The following CCDC144A variants were observed in gnomAD, a reference collection of about 807,000 sequenced individuals.
CCDC144A encodes coiled-coil domain containing 144A, also known as coiled-coil domain-containing protein 144A.
CCDC144A carries 41 observed loss-of-function variants against 143.8 expected under a neutral mutation model. That is an observed-to-expected ratio of 0.29 (90% confidence interval 0.22 to 0.37). The LOEUF is 0.37. Among genes scored for constraint, CCDC144A ranks in the 10% least tolerant of loss-of-function variants. CCDC144A has a pLI of 1.00. For synonymous variants in CCDC144A, 242 were observed against 517.9 expected (o/e 0.47, Z 7.23); for missense variants, 637 against 1,488.8 (o/e 0.43, Z 9.41).
intron 12 of CCDC144A, among the ~76,000 whole-genome samples, chr17:16,759,554 G>A (rs1247426991): frequency 6.6e-6 from 1 of 151,170 alleles, no homozygotes; most frequent in East Asian, 1.9e-4. Context: ...TTCAGCGGCT[G>A]TGTAGTAACA....
At chr17:16,694,230 A>C (rs993128323) in intron 2 of CCDC144A, among the ~76,000 whole-genome samples, 31 of 152,062 alleles carry the variant, frequency 2.0e-4, no homozygotes, top group Non-Finnish European at 2.8e-4. Flanking sequence ...AAAAGAAATT[A>C]GTTTCAAAAC....
intron 12 of CCDC144A, chr17:16,745,961 C>T: frequency 6.2e-7 from 1 of 1,607,410 alleles, no homozygotes; most frequent in African/African-American, 1.3e-5. Context: ...CTCTGTGCCT[C>T]CTGCCGTCAT....
intron 8 of CCDC144A, among the ~76,000 whole-genome samples, chr17:16,726,249 C>T (rs1913413913): frequency 6.6e-6 from 1 of 151,440 alleles, no homozygotes. Context: ...GGCGCGGTGG[C>T]AGGCGCCTGT....
At chr17:16,759,498 A>G (rs1168046895) in intron 12 of CCDC144A, among the ~76,000 whole-genome samples, 3 of 152,108 alleles carry the variant, frequency 2.0e-5, no homozygotes, top group African/African-American at 7.2e-5. Context: ...TGGTTCTTTT[A>G]TATGTAGTAG....
intron 4 of CCDC144A, among the ~76,000 whole-genome samples, chr17:16,707,986 T>C (rs2143111812): frequency 6.6e-6 from 1 of 152,270 alleles, no homozygotes; most frequent in African/African-American, 2.4e-5. Context: ...GTTAAAGATG[T>C]GGCCTTTCAT....
At chr17:16,722,293 G>A (rs1913137417) in intron 8 of CCDC144A, among the ~76,000 whole-genome samples, 1 of 152,112 alleles carries the variant, frequency 6.6e-6, no homozygotes, top group Non-Finnish European at 1.5e-5. Flanking sequence ...TGTTTATGAT[G>A]TATTATCCTT....
chr17:16,768,223 T>G (rs1915687952), intron 15 of CCDC144A, among the ~76,000 whole-genome samples: 1 of 152,260 alleles, frequency 6.6e-6, no homozygotes, highest in African/African-American at 2.4e-5. Flanking sequence ...TGCTAAATCA[T>G]GGAGGTTTGG....
chr17:16,737,446 G>T, intron 12 of CCDC144A: 1 of 1,243,070 alleles, frequency 8.0e-7, no homozygotes, highest in Admixed American at 2.6e-5. Context: ...GATTACAGGC[G>T]TGAGCCACCG....
At chr17:16,686,656 T>G (rs1290139378), upstream of CCDC144A, among the ~76,000 whole-genome samples, 3 of 146,688 alleles carry the variant, frequency 2.0e-5, no homozygotes, top group African/African-American at 5.0e-5. Context: ...AAAAAAATTG[T>G]TTTTTTTTTG....
chr17:16,690,476 A>T lies in CCDC144A; in HGVS notation c.76A>T (p.Thr26Ser), dbSNP rs895370300. 4 of 1,612,916 alleles carry T rather than the reference A, an allele frequency of 2.5e-6. No individual in the cohort carries two copies. In the African/African-American group the frequency reaches 5.3e-5, roughly 22 times the overall value. Residue 26 changes from threonine (T) to serine (S), a missense_variant, in exon 1 of 17, where the codon ACC becomes TCC. By Grantham distance (58) the Thr-to-Ser change is moderately conservative (BLOSUM62 1). Transcript: ENST00000399273. ...GCCGGCAGTCTACGCCACGAGGAAG[A>T]CCCCTAGCGTCGGGAGCCAGGGGGA... ...PKPAVYATRKTPSVGSQGDQW... is the reference protein window; with the variant it reads ...PKPAVYATRKSPSVGSQGDQW...
chr17:16,766,310 T>C (rs1246174525), intron 15 of CCDC144A: 1 of 152,206 alleles, frequency 6.6e-6, no homozygotes. Flanking sequence ...GGGAGGCAGG[T>C]TTGCCCTAAG....
intron 2 of CCDC144A, among the ~76,000 whole-genome samples, chr17:16,700,192 T>A (rs1911653593): frequency 6.6e-6 from 1 of 152,138 alleles, no homozygotes. Context: ...TGTGTCAAAG[T>A]CTGGAGGAAG....
At chr17:16,708,638 A>T (rs1301019696) in intron 4 of CCDC144A, 158 bp from the exon 5 acceptor site, 1 of 762,740 alleles carries the variant, frequency 1.3e-6, no homozygotes, top group East Asian at 2.8e-5. Flanking sequence ...CTAGATGAAG[A>T]AGTTTAACAG....
At chr17:16,717,352 C>T (rs2621592) in intron 6 of CCDC144A, among the ~76,000 whole-genome samples, 19 of 152,100 alleles carry the variant, frequency 1.2e-4, no homozygotes, top group East Asian at 1.9e-4. Flanking sequence ...CCTCATGATC[C>T]GCCCGCCTCA....
chr17:16,671,298 G>T, the CCDC144A span, among the ~76,000 whole-genome samples: 1 of 151,824 alleles, frequency 6.6e-6, no homozygotes, highest in African/African-American at 2.4e-5. Flanking sequence ...TTACCTTTTT[G>T]ATTATTAAAG....
At chr17:16,714,360 G>A (rs1357885151) in intron 6 of CCDC144A, among the ~76,000 whole-genome samples, 1 of 152,112 alleles carries the variant, frequency 6.6e-6, no homozygotes, top group Non-Finnish European at 1.5e-5. Context: ...GAACTGTTGG[G>A]TATCACAAAA....
intron 2 of CCDC144A, among the ~76,000 whole-genome samples, chr17:16,701,772 G>A (rs927346451): frequency 7.3e-5 from 11 of 151,626 alleles, no homozygotes; most frequent in African/African-American, 2.4e-4. Context: ...CTCTGTAGAC[G>A]TTTGCCACGT....
chr17:16,753,432 T>TTTGTTTTTGTTGTTG (rs1439429855), intron 12 of CCDC144A, among the ~76,000 whole-genome samples: 1 of 122,912 alleles, frequency 8.1e-6, no homozygotes, highest in Admixed American at 7.6e-5. Flanking sequence ...TTTGTAGTTT[T>TTTGTTTTTGTTGTTG]TTTTTTTTTT....
chr17:16,695,272 T>C (rs1271175933), intron 2 of CCDC144A: 1 of 152,208 alleles, frequency 6.6e-6, no homozygotes, highest in Non-Finnish European at 1.5e-5. Flanking sequence ...TTTTTTCTAA[T>C]GTTACAGAAT....
Sources: allele counts gnomAD v4.1 joint callset (sites outside exome capture counted in the v4.1 genomes callset), GRCh38; gene constraint gnomAD v4.1.1; transcripts MANE v1.5; gene names NCBI Gene and HGNC (gene_info 2026-07-23, HGNC 2026-07-21).